Variants in LGALS3 observed in about 807,000 individuals in gnomAD.
The protein encoded by LGALS3 is galectin 3, also known as galectin-3.
LGALS3 carries 18 observed loss-of-function variants against 20.7 expected under a neutral mutation model. That is an observed-to-expected ratio of 0.87 (90% CI 0.60 to 1.29). LGALS3 has a LOEUF of 1.29. Ranked by LOEUF, LGALS3 falls within the 50% of genes most tolerant of loss-of-function variation. The pLI is 0.00. For synonymous variants in LGALS3, 112 were observed against 119.6 expected, an observed-to-expected ratio of 0.94 and a Z score of 0.42; for missense variants, 315 against 314.7, an observed-to-expected ratio of 1.00 and a Z score of -0.01.
At position 55,137,494 on chromosome 14, in the gene LGALS3, G is replaced by A. The variant is rs964928758; in HGVS notation, c.18+103G>A. 23 of 1,611,866 alleles carry A rather than the reference G, an allele frequency of 1.4e-5. No individual in the cohort carries two copies. In the African/African-American group the frequency reaches 1.6e-4, roughly 11 times the overall value. On this transcript the variant is annotated intron_variant, in intron 2 of 5. Transcript: ENST00000254301. ...CTTTCCCTTTTCACTCTCCCACTGCGTGGCTTCCCCTGGACTCATTTGTCC... is the reference window on the plus strand; with the variant it reads ...CTTTCCCTTTTCACTCTCCCACTGCATGGCTTCCCCTGGACTCATTTGTCC...
chr14:55,137,995 G>T (rs201605915), intron 2 of LGALS3, 50 bp from the exon 3 acceptor site: 1 of 1,392,146 alleles, frequency 7.2e-7, no homozygotes, highest in Non-Finnish European at 9.2e-7. Context: ...TGAAAATTCT[G>T]CTTTTGAGAA....
rs530610315 is a variant in LGALS3 at position 55,130,663 on chromosome 14, G to T, written c.-5+1363G>T. Among the ~76,000 whole-genome samples, 274 of 147,178 alleles carry T rather than the reference G, an allele frequency of 1.9e-3. 1 individual carries two copies. Among genetic ancestry groups the T allele is most frequent in the African/African-American group, 6.5e-3 (262 of 40,308 alleles). ...CAACCTCTGCCTACCGGGTTCAAGC[G>T]ATTCTCCTGCCTCAGCCTCCCGAGT... On this transcript the variant is annotated intron_variant, in intron 1 of 5. Transcript: ENST00000254301.
rs1881497264 is a variant in LGALS3, at chr14:55,138,347, T to TA, written c.321_322insA (p.Gly108ArgfsTer12). ...GAGCCTACCCTGCCACTGGCCCCTA[T>TA]GGCGCCCCTGCTGGGCCACTGGTGA... On this transcript the variant is annotated frameshift_variant, in exon 3 of 6. Coordinates refer to ENST00000254301, the MANE Select transcript of LGALS3 (RefSeq NM_002306.4). LOFTEE classifies it high-confidence loss of function. The TA allele has an allele frequency of 6.2e-7, 1 of 1,612,786 alleles. No homozygotes were observed. The highest frequency in any genetic ancestry group is 1.3e-5 in the African/African-American group (1 of 74,926).
At chr14:55,133,964 C>T (rs945719877) in intron 1 of LGALS3, among the ~76,000 whole-genome samples, 4 of 152,182 alleles carry the variant, frequency 2.6e-5, no homozygotes, top group African/African-American at 7.2e-5. Flanking sequence ...TATTGAACCA[C>T]GTGTGTACAT....
At chr14:55,137,882 T>C in intron 2 of LGALS3, 163 bp from the exon 3 acceptor site, 1 of 1,318,122 alleles carries the variant, frequency 7.6e-7, no homozygotes, top group Non-Finnish European at 9.7e-7. Flanking sequence ...CTAATTTTAG[T>C]CTTAGAAACT....
At position 55,142,609 on chromosome 14, in the gene LGALS3, A is replaced by G; in HGVS notation, c.457A>G (p.Asn153Asp). 1.2e-6 allele frequency: 2 copies of G among 1,613,712 alleles called. No individual in the cohort carries two copies. Among genetic ancestry groups the G allele is most frequent in the East Asian group, 4.5e-5 (2 of 44,872 alleles). The part of the protein sequence containing the change: ...NRIALDFQRG[N>D]DVAFHFNPRF... ...AATTGCTTTAGATTTCCAAAGAGGG[A>G]ATGATGTTGCCTTCCACTTTAACCC... The change falls in exon 5 of 6, where the codon AAT becomes GAT. Residue 153 changes from asparagine to aspartate, a missense_variant. Asn to Asp is a conservative substitution (Grantham distance 23). Coordinates refer to ENST00000254301, the MANE Select transcript of LGALS3 (RefSeq NM_002306.4).
chr14:55,144,682 G>A (rs938035704), intron 5 of LGALS3, among the ~76,000 whole-genome samples: 2 of 152,148 alleles, frequency 1.3e-5, no homozygotes, highest in Non-Finnish European at 2.9e-5. Context: ...TCCTGCCTCA[G>A]CCTCCCAAGT....
intron 1 of LGALS3, 59 bp from the exon 2 acceptor site, chr14:55,137,309 TCA>T: frequency 1.4e-6 from 2 of 1,474,162 alleles, no homozygotes; most frequent in Admixed American, 3.3e-5. Flanking sequence ...GTGGTGAGGT[TCA>T]GTTTAATGGA....
At chr14:55,133,668 G>A (rs182207532) in intron 1 of LGALS3, among the ~76,000 whole-genome samples, 2 of 152,132 alleles carry the variant, frequency 1.3e-5, no homozygotes, top group African/African-American at 4.8e-5. Flanking sequence ...CTAATGTGTC[G>A]AGACACAATC....
chr14:55,130,562 GTTT>G (rs60310677), intron 1 of LGALS3, among the ~76,000 whole-genome samples: 1 of 144,896 alleles, frequency 6.9e-6, no homozygotes, highest in Admixed American at 6.9e-5. Flanking sequence ...TTTACCTAAG[GTTT>G]TTTTTTTTTT....
chr14:55,133,186 A>G (rs1408940805), intron 1 of LGALS3, among the ~76,000 whole-genome samples: 2 of 148,012 alleles, frequency 1.4e-5, no homozygotes, highest in African/African-American at 4.9e-5. Flanking sequence ...AAAATTTCAA[A>G]GTGTGATGTT....
intron 5 of LGALS3, chr14:55,143,511 T>G (rs1206243763): frequency 1.3e-5 from 4 of 300,034 alleles, no homozygotes; most frequent in Non-Finnish European, 2.7e-5. Context: ...AACCTCCGCC[T>G]CCTGGGTTCA....
At chr14:55,137,810 C>T in intron 2 of LGALS3, 1 of 1,298,084 alleles carries the variant, frequency 7.7e-7, no homozygotes. Flanking sequence ...AAATGCAGCC[C>T]TCCCTGATCT....
intron 3 of LGALS3, among the ~76,000 whole-genome samples, chr14:55,139,519 G>A (rs1335420651): frequency 6.6e-6 from 1 of 152,190 alleles, no homozygotes; most frequent in African/African-American, 2.4e-5. Flanking sequence ...CCACCACTGT[G>A]GGAGGCTGAG....
intron 1 of LGALS3, among the ~76,000 whole-genome samples, chr14:55,136,299 AACAAGT>A (rs1262314997): frequency 1.3e-5 from 2 of 152,046 alleles, no homozygotes; most frequent in Admixed American, 1.3e-4. Context: ...TATTTGGAAT[AACAAGT>A]ACCTTTGAAA....
rs1881473068 is a variant in LGALS3 at position 55,138,126 on chromosome 14, G to A, written c.100G>A (p.Gly34Arg). Residue 34 changes from glycine to arginine, a missense_variant, in exon 3 of 6, where the codon GGG becomes AGG. By Grantham distance (125) the Gly-to-Arg change is moderately radical (BLOSUM62 -2). Transcript: ENST00000254301. ...GAWGNQPAGA[G>R]GYPGASYPGA... ...ATGGGGGAACCAGCCTGCTGGGGCA[G>A]GGGGCTACCCAGGGGCTTCCTATCC... The A allele has an allele frequency of 1.3e-6, 2 of 1,557,710 alleles. No homozygotes were observed. The highest frequency in any genetic ancestry group is 2.8e-5 in the African/African-American group (2 of 72,394).
Position 55,140,303 on chromosome 14 carries a change from G to C in LGALS3, c.371G>C (p.Gly124Ala), listed in dbSNP as rs1881575280. The change falls in exon 4 of 6, where the codon GGG (glycine) becomes GCG (alanine). Residue 124 changes from glycine to alanine, a missense_variant. Coordinates refer to ENST00000254301, the MANE Select transcript of LGALS3 (RefSeq NM_002306.4). ...LIVPYNLPLPGGVVPRMLITI... is the reference protein window; with the variant it reads ...LIVPYNLPLPAGVVPRMLITI... ...GTGCCTTATAACCTGCCTTTGCCTGGGGGAGTGGTGCCTCGCATGCTGATA... is the reference window on the plus strand; with the variant it reads ...GTGCCTTATAACCTGCCTTTGCCTGCGGGAGTGGTGCCTCGCATGCTGATA... 1.2e-6 allele frequency: 2 copies of C among 1,613,508 alleles called. No individual in the cohort carries two copies. The highest frequency in any genetic ancestry group is 2.7e-5 in the African/African-American group (2 of 74,910).
At position 55,137,655 on chromosome 14, in the gene LGALS3, C is replaced by T. The variant is rs541379326; in HGVS notation, c.18+264C>T. 1.1e-5 allele frequency: 16 copies of T among 1,416,114 alleles called. No homozygotes were observed. The South Asian group carries it at 1.4e-4, about 13-fold the overall frequency. The allele number at this position is 1,416,114 out of a possible 1,614,324, so 87.7% of individuals were successfully genotyped here. On this transcript the variant is annotated intron_variant, in intron 2 of 5. Transcript: ENST00000254301. ...CAGGGCGGAAGGGAGTGGACTCTGC[C>T]GGCAGGAGCTGAGAAATCCTCTGAG...
intron 1 of LGALS3, among the ~76,000 whole-genome samples, chr14:55,135,133 G>T (rs538852007): frequency 2.0e-5 from 3 of 151,654 alleles, no homozygotes; most frequent in Non-Finnish European, 4.4e-5. Flanking sequence ...TCCAGCCTGT[G>T]CAACAGAACA....
Sources: gnomAD v4.1 joint callset for allele counts (sites outside exome capture counted in the v4.1 genomes callset) on GRCh38, gnomAD v4.1.1 for gene constraint, MANE v1.5 for transcripts, NCBI Gene and HGNC (gene_info 2026-07-23, HGNC 2026-07-21) for gene names.